TRPC5: variants seen among roughly 807,000 people sequenced by gnomAD.
TRPC5 encodes the protein transient receptor potential cation channel subfamily C member 5.
In TRPC5, 9 loss-of-function variants were observed where a neutral mutation model predicts 56.5. The ratio of observed to expected loss-of-function variants is 0.16; its 90% confidence interval spans 0.10 to 0.28. The LOEUF is 0.28. TRPC5 is among the 10% of genes least tolerant of loss of function. The pLI is 1.00. For synonymous variants in TRPC5, 282 were observed against 278.5 expected (o/e 1.01, Z -0.13); for missense variants, 469 against 748.9 (o/e 0.63, Z 4.36).
At position 111,921,617 on chromosome X, in the gene TRPC5, A is replaced by C. The variant is rs747409948; in HGVS notation, c.379-8805T>G. ...TAAAATCATGTTTTTTAAAAGGAAAAATAAAGATAGGGGGAGGTGAGGAAG... is the reference window on the plus strand; with the variant it reads ...TAAAATCATGTTTTTTAAAAGGAAACATAAAGATAGGGGGAGGTGAGGAAG... On this transcript the variant is annotated intron_variant, in intron 2 of 10. Transcript: ENST00000262839. Among the ~76,000 whole-genome samples, 8 of 111,258 alleles carry C rather than the reference A, an allele frequency of 7.2e-5. No homozygotes were observed. The South Asian group carries it at 3.1e-3, about 43-fold the overall frequency.
rs756189660 is a variant in TRPC5 at position 111,776,723 on chromosome X, T to C, written c.2512A>G (p.Met838Val). The C allele has an allele frequency of 1.7e-6, 2 of 1,211,646 alleles. No individual in the cohort carries two copies. Among genetic ancestry groups the C allele is most frequent in the Non-Finnish European group, 2.2e-6 (2 of 895,451 alleles). ...CCCAGTTTCTTGAGAGAAGGACCCA[T>C]GAAGGAGCGTTTGCTTGATGACTCA... Reference protein sequence around the residue: ...KAESSSKRSFMGPSLKKLGLL... With the variant: ...KAESSSKRSFVGPSLKKLGLL... Residue 838 changes from methionine (M) to valine (V), a missense_variant, in exon 11 of 11, where the codon ATG (methionine) becomes GTG (valine). Met to Val is a conservative substitution (Grantham distance 21). This residue lies in a region of TRPC5 where 194 missense variants were observed against 221.8 expected (regional missense o/e 0.87). Transcript: ENST00000262839.
At position 111,782,444 on chromosome X, in the gene TRPC5, G is replaced by A. The variant is rs73544238; in HGVS notation, c.1897-306C>T. Among the ~76,000 whole-genome samples the A allele has an allele frequency of 8.9e-3, 988 of 110,730 alleles. 17 individuals carry two copies. The highest frequency in any genetic ancestry group is 0.03 in the African/African-American group (910 of 30,414). On this transcript the variant is annotated intron_variant, in intron 7 of 10. Coordinates refer to ENST00000262839, the MANE Select transcript of TRPC5 (RefSeq NM_012471.3). ...ATAAATGGTGTTACATCTACAAAAT[G>A]GTATAAAATATAACTACTAATATAT...
chrX:111,777,404 T>C (rs1209186226), intron 10 of TRPC5, among the ~76,000 whole-genome samples: 2 of 110,445 alleles, frequency 1.8e-5, no homozygotes, highest in Admixed American at 9.8e-5. Flanking sequence ...ACTAGAAAAG[T>C]TGAATGTCAG....
intron 1 of TRPC5, among the ~76,000 whole-genome samples, chrX:112,059,612 C>T (rs1296081463): frequency 1.8e-5 from 2 of 111,630 alleles, no homozygotes; most frequent in African/African-American, 3.3e-5. Flanking sequence ...AACACCAAGT[C>T]GGGGGTTTTC....
intron 7 of TRPC5, among the ~76,000 whole-genome samples, chrX:111,785,245 T>A (rs1945952363): frequency 8.9e-6 from 1 of 111,923 alleles, no homozygotes; most frequent in South Asian, 3.7e-4. Context: ...TTTTGCAGCC[T>A]CCACTGGGGA....
chrX:112,028,626 T>C (rs1929491202), intron 1 of TRPC5, among the ~76,000 whole-genome samples: 1 of 112,325 alleles, frequency 8.9e-6, no homozygotes, highest in African/African-American at 3.2e-5. Context: ...TATGGCTGCA[T>C]AGTACTCCAT....
intron 2 of TRPC5, among the ~76,000 whole-genome samples, chrX:111,950,446 G>T (rs185286174): frequency 8.9e-6 from 1 of 112,323 alleles, no homozygotes; most frequent in African/African-American, 3.2e-5. Flanking sequence ...ACTCATAAGT[G>T]GGAGCTAAGC....
chrX:111,951,981 G>A, intron 2 of TRPC5, 62 bp downstream of exon 2: 1 of 1,144,633 alleles, frequency 8.7e-7, no homozygotes, highest in South Asian at 2.1e-5. Flanking sequence ...CTAGTTTCAG[G>A]GCTTCTGACC....
chrX:111,888,693 C>CAAAAAAAAA (rs753735549), intron 3 of TRPC5, among the ~76,000 whole-genome samples: 30 of 10,761 alleles, frequency 2.8e-3, no homozygotes, highest in Admixed American at 4.5e-3. Flanking sequence ...GACTCTATCT[C>CAAAAAAAAA]AAAAAAAAAA....
chrX:111,963,907 A>T (rs765363743), intron 1 of TRPC5, among the ~76,000 whole-genome samples: 18 of 111,769 alleles, frequency 1.6e-4, no homozygotes, highest in African/African-American at 5.5e-4. Context: ...AACTCTAAAA[A>T]CCAGAGCACC....
chrX:111,913,407 C>T (rs1363616229), intron 2 of TRPC5, among the ~76,000 whole-genome samples: 1 of 110,932 alleles, frequency 9.0e-6, no homozygotes, highest in African/African-American at 3.3e-5. Flanking sequence ...AGACAGGGTT[C>T]GTCCAACTTC....
At chrX:111,870,494 A>G (rs1032582063) in intron 3 of TRPC5, among the ~76,000 whole-genome samples, 52 of 111,879 alleles carry the variant, frequency 4.6e-4, no homozygotes, top group African/African-American at 1.7e-3. Context: ...AAATTTAACT[A>G]TGTCCTATGT....
intron 3 of TRPC5, among the ~76,000 whole-genome samples, chrX:111,859,418 A>G (rs1379852191): frequency 1.8e-5 from 2 of 112,468 alleles, no homozygotes; most frequent in African/African-American, 6.5e-5. Flanking sequence ...CTGCTTTATT[A>G]TATTTGGCTT....
intron 1 of TRPC5, among the ~76,000 whole-genome samples, chrX:111,954,718 T>C (rs1224143020): frequency 9.0e-6 from 1 of 111,210 alleles, no homozygotes; most frequent in Non-Finnish European, 1.9e-5. Flanking sequence ...ACTGGTGGTG[T>C]TACTGGTATA....
At chrX:111,944,303 T>TGTGTGTGAGAGAGAGA (rs1173179815) in intron 2 of TRPC5, among the ~76,000 whole-genome samples, 5 of 61,377 alleles carry the variant, frequency 8.1e-5, no homozygotes, top group African/African-American at 5.3e-4. Flanking sequence ...TGTGTGTGTG[T>TGTGTGTGAGAGAGAGA]GAGAGAGAGA....
intron 1 of TRPC5, among the ~76,000 whole-genome samples, chrX:112,016,617 A>C (rs1929131171): frequency 1.8e-5 from 2 of 110,818 alleles, no homozygotes; most frequent in African/African-American, 6.6e-5. Context: ...CCTCAGAATG[A>C]CCACCAGCTC....
At chrX:111,925,256 G>T (rs1010642221) in intron 2 of TRPC5, among the ~76,000 whole-genome samples, 1 of 112,451 alleles carries the variant, frequency 8.9e-6, no homozygotes, top group South Asian at 3.7e-4. Flanking sequence ...CCAATGACTG[G>T]CTCAGCTCCA....
intron 1 of TRPC5, among the ~76,000 whole-genome samples, chrX:112,047,453 G>A (rs868673042): frequency 9.0e-6 from 1 of 111,215 alleles, no homozygotes. Context: ...ATATACTCTG[G>A]AGGTTCCAGA....
chrX:111,905,854 G>A (rs1215574046), intron 3 of TRPC5, among the ~76,000 whole-genome samples: 1 of 103,631 alleles, frequency 9.6e-6, no homozygotes, highest in African/African-American at 3.6e-5. Flanking sequence ...GGCGGAGCTT[G>A]CAGTGAGCCA....
Sources: allele counts gnomAD v4.1 joint callset (sites outside exome capture counted in the v4.1 genomes callset), GRCh38; gene constraint gnomAD v4.1.1; regional missense constraint gnomAD v4.1.1; transcripts MANE v1.5; gene names NCBI Gene and HGNC (gene_info 2026-07-23, HGNC 2026-07-21).